REC8: variants seen among roughly 807,000 people sequenced by gnomAD.
REC8 encodes the protein meiotic recombination protein REC8 homolog.
Under a neutral mutation model 78.3 loss-of-function variants are expected in REC8, and 42 were observed. The ratio of observed to expected loss-of-function variants is 0.54; its 90% CI spans 0.42 to 0.69. The LOEUF is 0.69. REC8 is among the 30% of genes least tolerant of loss of function. The pLI is 0.00. For synonymous variants in REC8, 268 were observed against 274.1 expected, an observed-to-expected ratio of 0.98 and a Z score of 0.22; for missense variants, 581 against 715.8, an observed-to-expected ratio of 0.81 and a Z score of 2.15.
intron 11 of REC8, 118 bp from the exon 12 acceptor site, chr14:24,177,973 A>T: frequency 6.6e-7 from 1 of 1,520,252 alleles, no homozygotes; most frequent in Non-Finnish European, 8.8e-7. Flanking sequence ...GAGACCCCGC[A>T]CAAGCCCTCT....
At chr14:24,173,456 G>A in intron 5 of REC8, 45 bp downstream of exon 5, 1 of 1,609,260 alleles carries the variant, frequency 6.2e-7, no homozygotes, top group Non-Finnish European at 8.5e-7. Flanking sequence ...ATGCAGAAGG[G>A]GAGTGCTGTC....
intron 12 of REC8, 134 bp downstream of exon 12, chr14:24,178,356 C>T: frequency 1.1e-6 from 1 of 887,626 alleles, no homozygotes; most frequent in Non-Finnish European, 1.7e-6. Context: ...CTCCTCCATT[C>T]TCCAGAAAAT....
chr14:24,179,671 A>T lies in REC8; in HGVS notation c.1396A>T (p.Met466Leu), dbSNP rs1205478724. 2 of 1,614,140 alleles carry T rather than the reference A, an allele frequency of 1.2e-6. No individual in the cohort carries two copies. Among genetic ancestry groups the T allele is most frequent in the South Asian group, 2.2e-5 (2 of 91,078 alleles). Reference sequence around the variant, plus strand: ...TGAACTCCCTGAGGTGCCCATGGAGATGCCTTTGGTGCTGCCCCCAGAGCT... The same window carrying T: ...TGAACTCCCTGAGGTGCCCATGGAGTTGCCTTTGGTGCTGCCCCCAGAGCT... ...VPELPEVPME[M>L]PLVLPPELEL... is the part of the protein sequence containing the mutation. The change falls in exon 17 of 19, where the codon ATG becomes TTG. Residue 466 changes from methionine to leucine, a missense_variant. Transcript: ENST00000611366.
In REC8 at chr14:24,173,395, C is replaced by T. The variant is rs777098122; in HGVS notation, c.446C>T (p.Pro149Leu). 1.9e-5 allele frequency: 31 copies of T among 1,614,004 alleles called. No individual in the cohort carries two copies. The highest frequency in any genetic ancestry group is 2.6e-5 in the Non-Finnish European group (31 of 1,179,998). Residue 149 changes from proline (P) to leucine (L), a missense_variant, in exon 5 of 19, where the codon CCT (proline) becomes CTT (leucine). Physicochemically the swap from Pro to Leu is moderately conservative, Grantham distance 98. Coordinates refer to ENST00000611366, the MANE Select transcript of REC8 (RefSeq NM_001048205.2). ...TCTGTGGATCCCAGACTTCCTAGTC[C>T]TTTCGATATCCCTCAGGTAGGGCTC... Reference protein sequence around the residue: ...MMSVDPRLPSPFDIPQIRHLL... With the variant: ...MMSVDPRLPSLFDIPQIRHLL...
intron 10 of REC8, 54 bp from the exon 11 acceptor site, chr14:24,177,655 C>T (rs1008877299): frequency 1.7e-5 from 27 of 1,580,910 alleles, no homozygotes; most frequent in Non-Finnish European, 2.1e-5. Context: ...CTTGCCCTGG[C>T]ATCTGCAAGG....
In REC8 at chr14:24,173,430, G is replaced by T. The variant is rs940812521; in HGVS notation, c.462+19G>T. On this transcript the variant is annotated intron_variant, in intron 5 of 18. Transcript: ENST00000611366. ...CCCTCAGGTAGGGCTCATTCCCCAA[G>T]ACTCGTGAATTGGCAATGCAGAAGG... is the stretch of plus-strand genomic sequence containing the variant. 6.2e-7 allele frequency: 1 copy of T among 1,613,310 alleles called. No individual in the cohort carries two copies. Among genetic ancestry groups the T allele is most frequent in the African/African-American group, 1.3e-5 (1 of 74,906 alleles).
At position 24,179,908 on chromosome 14, in the gene REC8, TGA is replaced by T; in HGVS notation, c.1558+4_1558+5del. 6.2e-7 allele frequency: 1 copy of T among 1,613,796 alleles called. No homozygotes were observed. The highest frequency in any genetic ancestry group is 8.5e-7 in the Non-Finnish European group (1 of 1,179,900). On this transcript the variant is annotated splice_donor_region_variant and intron_variant, in intron 18 of 18. Coordinates refer to ENST00000611366, the MANE Select transcript of REC8 (RefSeq NM_001048205.2). The stretch of plus-strand genomic sequence containing the variant: ...CCCGGGTCTTCTACCTGCTCCTGGG[TGA>T]GTGTATGCATGTGTGTGTGTGTATG...
In REC8 at chr14:24,173,115, C is replaced by T; in HGVS notation, c.269-11C>T. The stretch of plus-strand genomic sequence containing the variant: ...TAAGCTGGCTGTCTACCTCGTCCTC[C>T]CTGCCCACAGAGGACATCCAGCACA... On this transcript the variant is annotated splice_polypyrimidine_tract_variant and intron_variant, in intron 3 of 18. Transcript: ENST00000611366. The T allele has an allele frequency of 6.2e-7, 1 of 1,613,882 alleles. No individual in the cohort carries two copies.
chr14:24,176,204 G>C (rs2038890957), intron 6 of REC8, among the ~76,000 whole-genome samples: 1 of 151,064 alleles, frequency 6.6e-6, no homozygotes, highest in Non-Finnish European at 1.5e-5. Context: ...TTACAGGCAT[G>C]CACCACCACG....
chr14:24,177,821 T>G, intron 11 of REC8, 63 bp downstream of exon 11: 1 of 1,504,166 alleles, frequency 6.6e-7, no homozygotes, highest in Non-Finnish European at 8.9e-7. Flanking sequence ...AAGGACTGCC[T>G]CCCCAAGCCC....
chr14:24,178,779 G>A lies in REC8; in HGVS notation c.1066G>A (p.Gly356Ser), dbSNP rs758121872. Residue 356 changes from glycine to serine, a missense_variant and splice_region_variant, in exon 14 of 19, where the codon GGC becomes AGC. Physicochemically the swap from Gly to Ser is moderately conservative, Grantham distance 56. Coordinates refer to ENST00000611366, the MANE Select transcript of REC8 (RefSeq NM_001048205.2). ...AELFRTPTLS[G>S]WLPPELLGLW... ...GCCTACTACCCTCTTGTCCACAGCTGGCTGGCTACCCCCTGAACTACTGGG... is the reference window on the plus strand; with the variant it reads ...GCCTACTACCCTCTTGTCCACAGCTAGCTGGCTACCCCCTGAACTACTGGG... The A allele has an allele frequency of 5.6e-6, 9 of 1,607,810 alleles. No homozygotes were observed. The Admixed American group carries it at 1.5e-4, about 27-fold the overall frequency.
intron 4 of REC8, 40 bp from the exon 5 acceptor site, chr14:24,173,251 G>GGCTCAGCCTC (rs759494531): frequency 6.2e-7 from 1 of 1,613,998 alleles, no homozygotes. Flanking sequence ...GCCTCAGCCT[G>GGCTCAGCCTC]GCTCAGCCTC....
At chr14:24,173,718 GTCC>G (rs767320374) in intron 5 of REC8, among the ~76,000 whole-genome samples, 18 of 152,106 alleles carry the variant, frequency 1.2e-4, no homozygotes, top group Non-Finnish European at 2.5e-4. Flanking sequence ...TCTTACCCCT[GTCC>G]TCCTCCATCT....
chr14:24,179,447 C>T lies in REC8; in HGVS notation c.1303C>T (p.Pro435Ser). The change falls in exon 16 of 19, where the codon CCA becomes TCA. Residue 435 changes from proline (P) to serine (S), a missense_variant. Pro to Ser is a moderately conservative substitution (Grantham distance 74, BLOSUM62 -1). Coordinates refer to ENST00000611366, the MANE Select transcript of REC8 (RefSeq NM_001048205.2). ...GGAGAAGTCCCGCATCAGCCTCATCCCACCAGAAGAACGGTGGTAAGCGGC... is the reference window on the plus strand; with the variant it reads ...GGAGAAGTCCCGCATCAGCCTCATCTCACCAGAAGAACGGTGGTAAGCGGC... ...EEEKSRISLIPPEERWAWPEV... is the reference protein window; with the variant it reads ...EEEKSRISLISPEERWAWPEV... The T allele has an allele frequency of 1.9e-6, 3 of 1,614,194 alleles. No individual in the cohort carries two copies. The highest frequency in any genetic ancestry group is 2.5e-6 in the Non-Finnish European group (3 of 1,180,034).
chr14:24,178,922 T>C lies in REC8; in HGVS notation c.1203+6T>C. On this transcript the variant is annotated splice_donor_region_variant and intron_variant, in intron 14 of 18. Coordinates refer to ENST00000611366, the MANE Select transcript of REC8 (RefSeq NM_001048205.2). Reference sequence around the variant, plus strand: ...AAGTTCCAAGTGAGATTGAGGTAACTGCACCACCTGTTTACTGCATCGCCC... The same window carrying C: ...AAGTTCCAAGTGAGATTGAGGTAACCGCACCACCTGTTTACTGCATCGCCC... 1.9e-6 allele frequency: 3 copies of C among 1,613,128 alleles called. No individual in the cohort carries two copies. Among genetic ancestry groups the C allele is most frequent in the African/African-American group, 2.7e-5 (2 of 75,032 alleles).
chr14:24,178,055 G>C (rs2138791846), intron 11 of REC8, 36 bp from the exon 12 acceptor site: 1 of 1,593,126 alleles, frequency 6.3e-7, no homozygotes. Flanking sequence ...GGAGTAATGG[G>C]CAGCCTTGCC....
At position 24,179,432 on chromosome 14, in the gene REC8, C is replaced by T. The variant is rs748399051; in HGVS notation, c.1288C>T (p.Arg430Cys). 28 of 1,614,010 alleles carry T rather than the reference C, an allele frequency of 1.7e-5. No homozygotes were observed. The highest frequency in any genetic ancestry group is 1.0e-4 in the Admixed American group (6 of 60,010). The change falls in exon 16 of 19, where the codon CGC (arginine) becomes TGC (cysteine). Residue 430 changes from arginine (R) to cysteine (C), a missense_variant. Transcript: ENST00000611366. The part of the protein sequence containing the change: ...SLEAAEEEKS[R>C]ISLIPPEERW... ...AGAGGCAGCTGAAGAGGAGAAGTCC[C>T]GCATCAGCCTCATCCCACCAGAAGA...
At chr14:24,177,867 G>A in intron 11 of REC8, 109 bp downstream of exon 11, 1 of 1,470,206 alleles carries the variant, frequency 6.8e-7, no homozygotes, top group South Asian at 1.4e-5. Context: ...CCTTAATGCA[G>A]ATGATAAAAG....
At chr14:24,179,204 T>A in intron 15 of REC8, 71 bp downstream of exon 15, 1 of 1,377,904 alleles carries the variant, frequency 7.3e-7, no homozygotes, top group Non-Finnish European at 1.0e-6. Context: ...GTATCCCAAC[T>A]GCTGAAGCTG....
Sources: gnomAD v4.1 joint callset for allele counts (sites outside exome capture counted in the v4.1 genomes callset) on GRCh38, gnomAD v4.1.1 for gene constraint, MANE v1.5 for transcripts, NCBI Gene and HGNC (gene_info 2026-07-23, HGNC 2026-07-21) for gene names.